Variants in SYCP2L observed in about 807,000 individuals in gnomAD.
SYCP2L encodes synaptonemal complex protein 2 like, also known as synaptonemal complex protein 2-like.
Under a neutral mutation model 125.8 loss-of-function variants are expected in SYCP2L, and 98 were observed. The ratio of observed to expected loss-of-function variants is 0.78; its 90% CI spans 0.66 to 0.92. The LOEUF (loss-of-function observed/expected upper bound fraction) is 0.92, where lower values mean the gene tolerates loss of function less well. Ranked by LOEUF, SYCP2L falls within the 40% of genes least tolerant of loss-of-function variation. SYCP2L has a pLI of 0.00. For synonymous variants in SYCP2L, 317 were observed against 325.4 expected, an observed-to-expected ratio of 0.97 and a Z score of 0.28; for missense variants, 842 against 936.4, an observed-to-expected ratio of 0.90 and a Z score of 1.32.
intron 26 of SYCP2L, among the ~76,000 whole-genome samples, chr6:10,959,608 G>A (rs1781562878): frequency 1.3e-5 from 2 of 152,176 alleles, no homozygotes; most frequent in South Asian, 2.1e-4. Flanking sequence ...GGTGGCTCAC[G>A]CCTGTAATCC....
chr6:10,918,463 A>G (rs567359217), intron 14 of SYCP2L, among the ~76,000 whole-genome samples: 1 of 150,274 alleles, frequency 6.7e-6, no homozygotes, highest in South Asian at 2.2e-4. Flanking sequence ...CTTTGTTCGT[A>G]TTTTCTTATT....
At chr6:10,969,519 C>G (rs1047430248) in intron 29 of SYCP2L, among the ~76,000 whole-genome samples, 2 of 151,818 alleles carry the variant, frequency 1.3e-5, no homozygotes, top group African/African-American at 4.8e-5. Context: ...CGCCACCACG[C>G]CCAGCTAATT....
chr6:10,948,290 A>C (rs890066164), intron 23 of SYCP2L, among the ~76,000 whole-genome samples: 4 of 152,118 alleles, frequency 2.6e-5, no homozygotes, highest in African/African-American at 9.6e-5. Flanking sequence ...GGTCTCTAGA[A>C]CTTTTTCATT....
At position 10,914,361 on chromosome 6, in the gene SYCP2L, A is replaced by C. The variant is rs183326702; in HGVS notation, c.1072+1434A>C. On this transcript the variant is annotated intron_variant, in intron 14 of 29. Transcript: ENST00000283141. ...GTTCTCTATTCTGTTCCATTGGTCT[A>C]TGTGCCTATTTTTATACCAGTACCA... Among the ~76,000 whole-genome samples, 8 of 152,244 alleles carry C rather than the reference A, an allele frequency of 5.3e-5. No homozygotes were observed. In the East Asian group the frequency reaches 1.5e-3, roughly 29 times the overall value.
chr6:10,929,509 A>C (rs936261666), intron 18 of SYCP2L, among the ~76,000 whole-genome samples: 1 of 152,248 alleles, frequency 6.6e-6, no homozygotes, highest in Non-Finnish European at 1.5e-5. Flanking sequence ...TTAATGTAAG[A>C]ACAGAAAAAT....
intron 21 of SYCP2L, among the ~76,000 whole-genome samples, chr6:10,936,507 AAAGG>A (rs1234488677): frequency 6.6e-6 from 1 of 152,156 alleles, no homozygotes; most frequent in Non-Finnish European, 1.5e-5. Context: ...AAATAGATTA[AAAGG>A]AAGGAAGAGA....
At chr6:10,900,156 T>C (rs528782180) in intron 6 of SYCP2L, among the ~76,000 whole-genome samples, 3 of 152,214 alleles carry the variant, frequency 2.0e-5, no homozygotes, top group Admixed American at 2.0e-4. Flanking sequence ...ATGCCATCAA[T>C]TGGGAGGCTA....
At chr6:10,904,198 G>T (rs1352326848) in intron 8 of SYCP2L, among the ~76,000 whole-genome samples, 2 of 152,220 alleles carry the variant, frequency 1.3e-5, no homozygotes, top group Non-Finnish European at 2.9e-5. Context: ...TCAAGTGATG[G>T]ATTTTTTGTT....
At chr6:10,961,805 T>A (rs1288287915) in intron 28 of SYCP2L, among the ~76,000 whole-genome samples, 1 of 152,242 alleles carries the variant, frequency 6.6e-6, no homozygotes, top group African/African-American at 2.4e-5. Context: ...CCAATTTTTT[T>A]ATTTTTAAGC....
chr6:10,965,947 T>C (rs1469038159), intron 29 of SYCP2L, among the ~76,000 whole-genome samples: 1 of 152,094 alleles, frequency 6.6e-6, no homozygotes, highest in African/African-American at 2.4e-5. Flanking sequence ...ACCTCATCAC[T>C]ACTAAAAATA....
rs775434928 is a variant in SYCP2L, at chr6:10,927,349, A to T, written c.1422A>T (p.Glu474Asp). The T allele has an allele frequency of 1.2e-6, 2 of 1,613,466 alleles. No homozygotes were observed. The highest frequency in any genetic ancestry group is 1.7e-6 in the Non-Finnish European group (2 of 1,179,860). Residue 474 changes from glutamate to aspartate, a missense_variant, in exon 17 of 30, where the codon GAA becomes GAT. Transcript: ENST00000283141. ...AATCTGAGCCACCTGTTATTGGGGA[A>T]CCTGCCTCTGATAGTCACGTAGGTT... ...NDQSEPPVIG[E>D]PASDSHLQPV...
chr6:10,911,080 C>G (rs6899636), intron 12 of SYCP2L, among the ~76,000 whole-genome samples: 12,331 of 152,124 alleles, frequency 0.081, 1,686 homozygotes, highest in African/African-American at 0.28. Context: ...TCTACTGTTA[C>G]TACTGGAAAA....
At chr6:10,931,990 C>CTT (rs70991076) in intron 20 of SYCP2L, among the ~76,000 whole-genome samples, 1,506 of 116,426 alleles carry the variant, frequency 0.013, 31 homozygotes, top group African/African-American at 0.034. Context: ...GATTGAGGGT[C>CTT]TTTTTTTTTT....
intron 29 of SYCP2L, among the ~76,000 whole-genome samples, chr6:10,964,250 C>T (rs776912461): frequency 5.3e-5 from 8 of 152,188 alleles, no homozygotes; most frequent in Non-Finnish European, 1.0e-4. Flanking sequence ...AGCCACTGTG[C>T]CTGGCAGAGC....
chr6:10,923,385 T>C, intron 14 of SYCP2L, among the ~76,000 whole-genome samples: 1 of 139,922 alleles, frequency 7.1e-6, no homozygotes, highest in East Asian at 2.0e-4. Context: ...ACACACTTTT[T>C]TTTTTTTTTT....
At chr6:10,960,949 G>A (rs1011895578) in intron 26 of SYCP2L, among the ~76,000 whole-genome samples, 8 of 152,212 alleles carry the variant, frequency 5.3e-5, no homozygotes, top group South Asian at 2.1e-4. Context: ...GTGGTGGCAC[G>A]CGCCTGTAGT....
At chr6:10,971,436 C>T (rs1337529043) in intron 29 of SYCP2L, among the ~76,000 whole-genome samples, 1 of 116,220 alleles carries the variant, frequency 8.6e-6, no homozygotes, top group Non-Finnish European at 1.7e-5. Flanking sequence ...CCAGCCTGGG[C>T]AAGACAGTGA....
chr6:10,938,019 T>G (rs1781132718), intron 21 of SYCP2L, among the ~76,000 whole-genome samples: 1 of 152,070 alleles, frequency 6.6e-6, no homozygotes, highest in Non-Finnish European at 1.5e-5. Flanking sequence ...TTCAAACTCT[T>G]CCAAAAAACT....
chr6:10,905,135 T>C (rs1456118200), intron 8 of SYCP2L, among the ~76,000 whole-genome samples: 2 of 84,170 alleles, frequency 2.4e-5, no homozygotes, highest in Non-Finnish European at 4.5e-5. Flanking sequence ...AGAGCCAGAC[T>C]TGGTCTCAAA....
Sources: gnomAD v4.1 joint callset for allele counts (sites outside exome capture counted in the v4.1 genomes callset) on GRCh38, gnomAD v4.1.1 for gene constraint, MANE v1.5 for transcripts, NCBI Gene and HGNC (gene_info 2026-07-23, HGNC 2026-07-21) for gene names.